SRBD1: variants seen among roughly 807,000 people sequenced by gnomAD.
The protein encoded by SRBD1 is S1 RNA-binding domain-containing protein 1.
Under a neutral mutation model 115.3 loss-of-function variants are expected in SRBD1, and 88 were observed. That is an observed-to-expected ratio of 0.76 (90% CI 0.64 to 0.91). The LOEUF is 0.91. SRBD1 is among the 40% of genes least tolerant of loss of function. SRBD1 has a pLI of 0.00. For synonymous variants in SRBD1, 509 were observed against 407.7 expected (o/e 1.25, Z -2.99); for missense variants, 1,385 against 1,177.4 (o/e 1.18, Z -2.58).
chr2:45,603,099 A>G (rs1056557750), intron 2 of SRBD1, among the ~76,000 whole-genome samples: 3 of 152,176 alleles, frequency 2.0e-5, no homozygotes, highest in Non-Finnish European at 4.4e-5. Flanking sequence ...TCCTCATACT[A>G]TCATCAAACT....
intron 12 of SRBD1, 73 bp from the exon 13 acceptor site, chr2:45,547,685 C>T: frequency 7.9e-7 from 1 of 1,261,560 alleles, no homozygotes; most frequent in South Asian, 1.3e-5. Flanking sequence ...TTTTGTTAAG[C>T]AAGTTGTAAC....
chr2:45,462,499 A>T (rs969522033), intron 16 of SRBD1, among the ~76,000 whole-genome samples: 17 of 152,172 alleles, frequency 1.1e-4, no homozygotes, highest in African/African-American at 4.1e-4. Context: ...TAAGCATTTG[A>T]AAAGAATATA....
At chr2:45,449,373 C>T (rs1289081414) in intron 16 of SRBD1, among the ~76,000 whole-genome samples, 6 of 152,042 alleles carry the variant, frequency 3.9e-5, no homozygotes. Context: ...CACGGATATT[C>T]CTAATAAATG....
chr2:45,477,895 A>G (rs1669851084), intron 15 of SRBD1, among the ~76,000 whole-genome samples: 1 of 152,126 alleles, frequency 6.6e-6, no homozygotes, highest in Non-Finnish European at 1.5e-5. Flanking sequence ...TCCATGCTCA[A>G]GAAACTTTAG....
At chr2:45,398,259 G>C (rs1373398608) in intron 19 of SRBD1, among the ~76,000 whole-genome samples, 1 of 152,084 alleles carries the variant, frequency 6.6e-6, no homozygotes, top group Non-Finnish European at 1.5e-5. Flanking sequence ...ACTCTGATGA[G>C]AGAATATAGT....
chr2:45,397,728 C>T lies in SRBD1; in HGVS notation c.2514-4599G>A, dbSNP rs550935391. ...AAGCGATCCTCCTCCCTTGGCCTCC[C>T]AAGTAGCTGGAACCACAAGCCCAGC... On this transcript the variant is annotated intron_variant, in intron 19 of 20. Coordinates refer to ENST00000263736, the MANE Select transcript of SRBD1 (RefSeq NM_018079.5). 2.0e-5 allele frequency among the ~76,000 whole-genome samples: 3 copies of T among 152,312 alleles called. No homozygotes were observed. The South Asian group carries it at 6.2e-4, about 32-fold the overall frequency.
chr2:45,444,607 G>A (rs1668764164), intron 16 of SRBD1, among the ~76,000 whole-genome samples: 1 of 152,092 alleles, frequency 6.6e-6, no homozygotes, highest in South Asian at 2.1e-4. Context: ...AATAGACAAA[G>A]GACCACACTA....
chr2:45,438,254 A>G (rs1326594934), intron 16 of SRBD1, among the ~76,000 whole-genome samples: 2 of 152,236 alleles, frequency 1.3e-5, no homozygotes, highest in Non-Finnish European at 2.9e-5. Context: ...TCTGATTACC[A>G]GAAGAAAATT....
At chr2:45,409,153 T>C (rs963583700) in intron 19 of SRBD1, among the ~76,000 whole-genome samples, 2 of 152,008 alleles carry the variant, frequency 1.3e-5, no homozygotes, top group African/African-American at 4.8e-5. Flanking sequence ...GCTCAGGAGG[T>C]TGAGGCTGCA....
intron 16 of SRBD1, among the ~76,000 whole-genome samples, chr2:45,472,853 C>A (rs6731122): frequency 0.21 from 31,716 of 151,924 alleles, 5,285 homozygotes; most frequent in African/African-American, 0.46. Flanking sequence ...TTTCCTATTT[C>A]ATGATTTTGC....
chr2:45,402,803 A>AATCAG (rs1284350647), intron 19 of SRBD1, among the ~76,000 whole-genome samples: 1 of 152,150 alleles, frequency 6.6e-6, no homozygotes, highest in East Asian at 1.9e-4. Flanking sequence ...GGCACATACA[A>AATCAG]ATCAGCATCA....
intron 4 of SRBD1, among the ~76,000 whole-genome samples, chr2:45,589,041 C>G (rs558349247): frequency 3.9e-5 from 6 of 152,304 alleles, no homozygotes; most frequent in South Asian, 2.1e-4. Flanking sequence ...TCCCTCCCCC[C>G]TCAAGCTCTG....
intron 16 of SRBD1, among the ~76,000 whole-genome samples, chr2:45,465,890 A>G (rs916106174): frequency 6.6e-6 from 1 of 152,206 alleles, no homozygotes; most frequent in Non-Finnish European, 1.5e-5. Flanking sequence ...TTCTGATCCC[A>G]CTTCAACAAA....
At position 45,413,278 on chromosome 2, in the gene SRBD1, A is replaced by G; in HGVS notation, c.2349T>C (p.Thr783=). 6.2e-7 allele frequency: 1 copy of G among 1,613,318 alleles called. No homozygotes were observed. The highest frequency in any genetic ancestry group is 1.1e-5 in the South Asian group (1 of 90,844). ...IRTFCSQQTE[T]SGQIQGVAVT... is the part of the protein sequence containing the mutation. ...CAGCAACTCCTTGAATTTGGCCTGA[A>G]GTTTCAGTTTGCTGACTATATAAAA... The change falls in exon 19 of 21, where the codon ACT becomes ACC. Residue 783 remains threonine (T), a synonymous_variant. Transcript: ENST00000263736.
At chr2:45,395,399 G>T (rs1018251806) in intron 19 of SRBD1, among the ~76,000 whole-genome samples, 14 of 152,140 alleles carry the variant, frequency 9.2e-5, no homozygotes, top group African/African-American at 3.1e-4. Context: ...AGGGAGAGAG[G>T]AACTAACTAC....
intron 15 of SRBD1, among the ~76,000 whole-genome samples, chr2:45,479,551 C>A (rs1669900717): frequency 6.6e-6 from 1 of 152,184 alleles, no homozygotes; most frequent in African/African-American, 2.4e-5. Flanking sequence ...TCCTAACTCT[C>A]TTCAATTCCA....
chr2:45,479,269 G>A (rs1298358137), intron 15 of SRBD1, among the ~76,000 whole-genome samples: 3 of 152,056 alleles, frequency 2.0e-5, no homozygotes. Flanking sequence ...AGGAAGAGTC[G>A]CACGTCTCTC....
intron 16 of SRBD1, among the ~76,000 whole-genome samples, chr2:45,461,781 C>T (rs1242579099): frequency 6.6e-6 from 1 of 152,154 alleles, no homozygotes; most frequent in African/African-American, 2.4e-5. Flanking sequence ...TTCCTTGACT[C>T]TTATTTGACT....
intron 2 of SRBD1, among the ~76,000 whole-genome samples, chr2:45,602,739 T>C (rs1674138635): frequency 6.6e-6 from 1 of 152,174 alleles, no homozygotes; most frequent in Admixed American, 6.5e-5. Context: ...TAAAGGACCA[T>C]CATGCTCCTG....
Sources: gnomAD v4.1 joint callset for allele counts (sites outside exome capture counted in the v4.1 genomes callset) on GRCh38, gnomAD v4.1.1 for gene constraint, MANE v1.5 for transcripts, NCBI Gene and HGNC (gene_info 2026-07-23, HGNC 2026-07-21) for gene names.